Variants in MCUR1 observed in about 807,000 individuals in gnomAD.
MCUR1 encodes the protein MCU regulator 1.
A neutral mutation model predicts 42.0 loss-of-function variants in MCUR1; 37 were observed. That is an observed-to-expected ratio of 0.88 (90% CI 0.68 to 1.16). MCUR1 has a LOEUF of 1.16. Ranked by LOEUF, MCUR1 falls within the 50% of genes most tolerant of loss-of-function variation. The pLI, the probability that MCUR1 is intolerant of heterozygous loss-of-function variation, is 0.00. For synonymous variants in MCUR1, 229 were observed against 196.2 expected (o/e 1.17, Z -1.40); for missense variants, 469 against 468.4 (o/e 1.00, Z -0.01).
At chr6:13,791,817 G>A (rs1759733791) in intron 8 of MCUR1, 61 bp downstream of exon 8, 3 of 1,156,094 alleles carry the variant, frequency 2.6e-6, no homozygotes, top group East Asian at 2.6e-5. Flanking sequence ...ATCTGTCAAC[G>A]ACTTATTTTA....
intron 8 of MCUR1, among the ~76,000 whole-genome samples, chr6:13,791,436 T>A (rs889488804): frequency 6.6e-6 from 1 of 152,052 alleles, no homozygotes; most frequent in African/African-American, 2.4e-5. Context: ...AATGGTTAAT[T>A]TGGGTGGGGG....
Position 13,787,971 on chromosome 6 carries a change from C to A in MCUR1, c.*2838G>T, listed in dbSNP as rs1759639331. 6.6e-6 allele frequency: 1 copy of A among 152,228 alleles called. No individual in the cohort carries two copies. The highest frequency in any genetic ancestry group is 1.5e-5 in the Non-Finnish European group (1 of 68,092). 9.4% of individuals were successfully genotyped at this position (152,228 alleles called of 1,614,324 possible). ...AATCTCTGCTCACTGCAACCTCTGC[C>A]TCCCAGGTTCATGCAATTTTCCTGT... On this transcript the variant is annotated 3_prime_UTR_variant, in exon 9 of 9. Transcript: ENST00000379170.
intron 6 of MCUR1, among the ~76,000 whole-genome samples, chr6:13,795,123 G>GA (rs56398119): frequency 0.093 from 9,529 of 102,836 alleles, 437 homozygotes; most frequent in Middle Eastern, 0.17. Context: ...CTTAGAAGTA[G>GA]AAAAAAAAAA....
chr6:13,796,582 G>A (rs754397025), intron 6 of MCUR1, among the ~76,000 whole-genome samples: 5 of 151,908 alleles, frequency 3.3e-5, no homozygotes, highest in African/African-American at 4.8e-5. Flanking sequence ...CACCATGCCC[G>A]GCAGAAATTT....
At chr6:13,798,376 A>G (rs1759904046) in intron 6 of MCUR1, among the ~76,000 whole-genome samples, 1 of 152,146 alleles carries the variant, frequency 6.6e-6, no homozygotes, top group South Asian at 2.1e-4. Context: ...GTGGGATTAC[A>G]GGCGTGAGCT....
chr6:13,790,174 T>A lies in MCUR1; in HGVS notation c.*635A>T, dbSNP rs1384209392. On this transcript the variant is annotated 3_prime_UTR_variant, in exon 9 of 9. Coordinates refer to ENST00000379170, the MANE Select transcript of MCUR1 (RefSeq NM_001031713.4). ...AACATGGAGACCCCCAAATCCTCTA[T>A]GTGCCAAAGATTAAGTTGTAGAGAA... 1.3e-5 allele frequency: 2 copies of A among 152,222 alleles called. No homozygotes were observed. Among genetic ancestry groups the A allele is most frequent in the African/African-American group, 4.8e-5 (2 of 41,456 alleles). The allele number at this position is 152,222 out of a possible 1,614,324, so 9.4% of individuals were successfully genotyped here. A position where few individuals can be genotyped will look rare whatever the true frequency, so the allele number is the denominator to read the frequency against.
intron 1 of MCUR1, among the ~76,000 whole-genome samples, chr6:13,811,506 G>A (rs1760234076): frequency 6.6e-6 from 1 of 152,006 alleles, no homozygotes; most frequent in African/African-American, 2.4e-5. Context: ...TTCCAGTCCT[G>A]AGACTAAAAC....
intron 1 of MCUR1, among the ~76,000 whole-genome samples, chr6:13,809,850 G>A (rs1421168557): frequency 3.3e-5 from 5 of 151,974 alleles, no homozygotes; most frequent in African/African-American, 7.3e-5. Context: ...GCTGCAGTGA[G>A]CTATGATTGC....
intron 4 of MCUR1, among the ~76,000 whole-genome samples, chr6:13,800,665 C>A (rs77028613): frequency 0.026 from 4,027 of 152,202 alleles, 160 homozygotes; most frequent in African/African-American, 0.091. Flanking sequence ...ACTAATCCTA[C>A]CCTCAAATAA....
chr6:13,789,908 T>C lies in MCUR1; in HGVS notation c.*901A>G, dbSNP rs1160145334. On this transcript the variant is annotated 3_prime_UTR_variant, in exon 9 of 9. Coordinates refer to ENST00000379170, the MANE Select transcript of MCUR1 (RefSeq NM_001031713.4). Reference sequence around the variant, plus strand: ...CAATGCTTCTTTAGACAGCTGATTTTTCTGGCTGGAAGGCACATTAAAAAT... The same window carrying C: ...CAATGCTTCTTTAGACAGCTGATTTCTCTGGCTGGAAGGCACATTAAAAAT... 6.6e-6 allele frequency: 1 copy of C among 152,184 alleles called. No homozygotes were observed. The highest frequency in any genetic ancestry group is 1.5e-5 in the Non-Finnish European group (1 of 68,026). 9.4% of individuals were successfully genotyped at this position (152,184 alleles called of 1,614,324 possible). A position where few individuals can be genotyped will look rare whatever the true frequency, so the allele number is the denominator to read the frequency against.
intron 3 of MCUR1, among the ~76,000 whole-genome samples, chr6:13,801,605 C>T (rs1415685521): frequency 1.3e-5 from 2 of 152,062 alleles, no homozygotes; most frequent in Non-Finnish European, 2.9e-5. Flanking sequence ...ATCCCAATAC[C>T]TGGGGAGGCC....
In MCUR1 at chr6:13,806,985, A is replaced by G. The variant is rs374214394; in HGVS notation, c.475T>C (p.Ser159Pro). 6 of 1,613,692 alleles carry G rather than the reference A, an allele frequency of 3.7e-6. No individual in the cohort carries two copies. Among genetic ancestry groups the G allele is most frequent in the Non-Finnish European group, 5.1e-6 (6 of 1,179,750 alleles). The part of the protein sequence containing the change: ...LERKRRDFTS[S>P]GSRKLYFDTH... ...TCGAAGTAGAGTTTCCTGCTCCCAG[A>G]AGAGGTGAAATCTCTCCTTTTGCGC... Residue 159 changes from serine to proline, a missense_variant, in exon 2 of 9, where the codon TCT (serine) becomes CCT (proline). Ser to Pro is a moderately conservative substitution (Grantham distance 74). Transcript: ENST00000379170.
At position 13,814,217 on chromosome 6, in the gene MCUR1, G is replaced by A. The variant is rs1386472957; in HGVS notation, c.213C>T (p.Leu71=). 9 of 1,457,030 alleles carry A rather than the reference G, an allele frequency of 6.2e-6. No homozygotes were observed. In the South Asian group the frequency reaches 1.2e-4, roughly 19 times the overall value. The allele number at this position is 1,457,030 out of a possible 1,614,324, so 90.3% of individuals were successfully genotyped here. A position where few individuals can be genotyped will look rare whatever the true frequency, so the allele number is the denominator to read the frequency against. ...AGCGCGGGGAGGGCACTAGCAGGAG[G>A]AGGAGCAGCGGTGAGGCACGTGACA... ...GGVSRASPLL[L]LLLVPSPRLA... is the part of the protein sequence containing the mutation. The change falls in exon 1 of 9, where the codon CTC becomes CTT. Residue 71 remains leucine, a synonymous_variant. Coordinates refer to ENST00000379170, the MANE Select transcript of MCUR1 (RefSeq NM_001031713.4).
intron 1 of MCUR1, among the ~76,000 whole-genome samples, chr6:13,807,312 C>A (rs945083008): frequency 2.0e-5 from 3 of 152,166 alleles, no homozygotes; most frequent in African/African-American, 4.8e-5. Flanking sequence ...TCCCCCAGCC[C>A]TTCTCAACTG....
At chr6:13,792,251 TTACCTGGAC>T (rs1759747441) in intron 7 of MCUR1, among the ~76,000 whole-genome samples, 1 of 152,220 alleles carries the variant, frequency 6.6e-6, no homozygotes, top group South Asian at 2.1e-4. Context: ...GGCCCTGCCT[TTACCTGGAC>T]TGTTTAGAGA....
intron 2 of MCUR1, chr6:13,804,194 A>G (rs1471714385): frequency 4.6e-6 from 1 of 218,806 alleles, no homozygotes; most frequent in Non-Finnish European, 9.7e-6. Flanking sequence ...GTGGTGGTGC[A>G]TGCCTGTAAT....
At position 13,814,351 on chromosome 6, in the gene MCUR1, G is replaced by C; in HGVS notation, c.79C>G (p.Leu27Val). The C allele has an allele frequency of 1.3e-6, 2 of 1,518,780 alleles. No individual in the cohort carries two copies. The highest frequency in any genetic ancestry group is 1.8e-6 in the Non-Finnish European group (2 of 1,141,506). The allele number at this position is 1,518,780 out of a possible 1,614,324, so 94.1% of individuals were successfully genotyped here. The change falls in exon 1 of 9, where the codon CTC becomes GTC. Residue 27 changes from leucine to valine, a missense_variant. Transcript: ENST00000379170. ...TCGCTGCCGCCCGGTCTTCCGCTGA[G>C]GCCCACGGGCAAGAAGAGAAGCCGC... Reference protein sequence around the residue: ...RQRLLFLPVGLSGRPGGSETS... With the variant: ...RQRLLFLPVGVSGRPGGSETS...
At chr6:13,807,128 C>A (rs2113475881) in intron 1 of MCUR1, 84 bp from the exon 2 acceptor site, 1 of 1,428,530 alleles carries the variant, frequency 7.0e-7, no homozygotes. Context: ...AAGGCATACC[C>A]CAAAGCCTTC....
At chr6:13,791,789 GA>G in intron 8 of MCUR1, 88 bp downstream of exon 8, 1 of 794,086 alleles carries the variant, frequency 1.3e-6, no homozygotes. Context: ...GAAAGTGTTG[GA>G]ATCAATGAAA....
Sources: allele counts gnomAD v4.1 joint callset (sites outside exome capture counted in the v4.1 genomes callset), GRCh38; gene constraint gnomAD v4.1.1; transcripts MANE v1.5; gene names NCBI Gene and HGNC (gene_info 2026-07-23, HGNC 2026-07-21).